Variants in PDE10A observed in about 807,000 individuals in gnomAD.
The protein encoded by PDE10A is cAMP and cAMP-inhibited cGMP 3',5'-cyclic phosphodiesterase 10A.
PDE10A carries 39 observed loss-of-function variants against 97.7 expected under a neutral mutation model. The observed-to-expected ratio is 0.40, with a 90% CI of 0.31 to 0.52. The LOEUF (loss-of-function observed/expected upper bound fraction) is 0.52, where lower values mean the gene tolerates loss of function less well. PDE10A is among the 20% of genes least tolerant of loss of function. The pLI, the probability that PDE10A is intolerant of heterozygous loss-of-function variation, is 0.56. For synonymous variants in PDE10A, 371 were observed against 376.8 expected, an observed-to-expected ratio of 0.98 and a Z score of 0.18; for missense variants, 731 against 1,047.8, an observed-to-expected ratio of 0.70 and a Z score of 4.17.
chr6:165,973,305 G>A (rs1784747416), intron 1 of PDE10A, among the ~76,000 whole-genome samples: 1 of 152,018 alleles, frequency 6.6e-6, no homozygotes, highest in South Asian at 2.1e-4. Context: ...CGTAATCCCA[G>A]CTACTTGGGA....
intron 1 of PDE10A, among the ~76,000 whole-genome samples, chr6:165,847,463 A>G (rs1278257453): frequency 6.6e-6 from 1 of 152,230 alleles, no homozygotes; most frequent in African/African-American, 2.4e-5. Flanking sequence ...AGTGGGCAAA[A>G]CTCACTGCCT....
intron 1 of PDE10A, among the ~76,000 whole-genome samples, chr6:165,794,261 A>T (rs62427295): frequency 0.14 from 20,660 of 150,468 alleles, 1,633 homozygotes; most frequent in African/African-American, 0.23. Flanking sequence ...TCACACTCAC[A>T]TACACACTCA....
At chr6:165,942,217 A>G (rs1783545861) in intron 1 of PDE10A, among the ~76,000 whole-genome samples, 7 of 152,154 alleles carry the variant, frequency 4.6e-5, no homozygotes, top group Admixed American at 3.9e-4. Context: ...GCTGTAGTAT[A>G]TCATATGTGT....
intron 17 of PDE10A, among the ~76,000 whole-genome samples, chr6:165,383,312 T>C (rs146956887): frequency 6.6e-5 from 10 of 152,320 alleles, no homozygotes; most frequent in African/African-American, 2.4e-4. Flanking sequence ...TCATATCTTA[T>C]GAGTAAACAG....
chr6:165,937,245 T>C (rs536912647), intron 1 of PDE10A, among the ~76,000 whole-genome samples: 7 of 152,346 alleles, frequency 4.6e-5, no homozygotes, highest in Non-Finnish European at 1.0e-4. Flanking sequence ...GAAGGGTTCA[T>C]GTGGCACCTA....
At chr6:165,351,994 T>A (rs562214427) in intron 18 of PDE10A, among the ~76,000 whole-genome samples, 1 of 152,124 alleles carries the variant, frequency 6.6e-6, no homozygotes, top group East Asian at 1.9e-4. Flanking sequence ...GCTGGAATTA[T>A]AGGTGCCTGC....
intron 15 of PDE10A, 109 bp from the exon 16 acceptor site, chr6:165,392,905 C>A: frequency 1.1e-6 from 1 of 942,294 alleles, no homozygotes; most frequent in Non-Finnish European, 1.6e-6. Flanking sequence ...ACATTTGCAA[C>A]TCTAAAGATT....
At chr6:165,557,395 C>T (rs866513526) in intron 1 of PDE10A, among the ~76,000 whole-genome samples, 1 of 152,174 alleles carries the variant, frequency 6.6e-6, no homozygotes, top group African/African-American at 2.4e-5. Flanking sequence ...AGAATAACAA[C>T]CATAATTTCT....
chr6:165,712,936 G>A (rs1398399517), intron 1 of PDE10A, among the ~76,000 whole-genome samples: 4 of 152,086 alleles, frequency 2.6e-5, no homozygotes, highest in African/African-American at 7.2e-5. Context: ...CACCGCACCC[G>A]GCCCGTTTTA....
chr6:165,900,322 A>G, intron 1 of PDE10A, among the ~76,000 whole-genome samples: 1 of 152,128 alleles, frequency 6.6e-6, no homozygotes, highest in Non-Finnish European at 1.5e-5. Flanking sequence ...AAATACAAAA[A>G]TTAGCTGGGC....
intron 1 of PDE10A, among the ~76,000 whole-genome samples, chr6:165,588,369 C>T (rs1300419563): frequency 7.0e-6 from 1 of 141,898 alleles, no homozygotes; most frequent in Non-Finnish European, 1.5e-5. Context: ...CGGCTCACTG[C>T]AACCTCCACC....
chr6:165,957,454 C>T (rs1191652334), intron 1 of PDE10A, among the ~76,000 whole-genome samples: 2 of 152,118 alleles, frequency 1.3e-5, no homozygotes, highest in Admixed American at 1.3e-4. Flanking sequence ...GCACTCCAGC[C>T]TGGGCAACAG....
At chr6:165,390,163 A>G (rs760952212) in intron 16 of PDE10A, among the ~76,000 whole-genome samples, 1 of 152,164 alleles carries the variant, frequency 6.6e-6, no homozygotes. Flanking sequence ...CAACAAAACA[A>G]AAACAAACAA....
intron 1 of PDE10A, among the ~76,000 whole-genome samples, chr6:165,913,912 C>A (rs1188696852): frequency 2.0e-5 from 3 of 152,248 alleles, no homozygotes; most frequent in Admixed American, 1.3e-4. Context: ...ATCTTTTTCT[C>A]CTAACAACTC....
intron 2 of PDE10A, among the ~76,000 whole-genome samples, chr6:165,542,609 GTTCT>G (rs1783506706): frequency 1.0e-5 from 1 of 95,916 alleles, no homozygotes; most frequent in Admixed American, 1.1e-4. Context: ...AGATGTCCTT[GTTCT>G]TTTTTTTTTT....
intron 1 of PDE10A, among the ~76,000 whole-genome samples, chr6:165,583,274 A>G (rs531775126): frequency 1.3e-5 from 2 of 152,330 alleles, no homozygotes; most frequent in South Asian, 4.1e-4. Flanking sequence ...ACAAATAACA[A>G]ATTAGTGTGC....
chr6:165,732,841 C>T (rs1792474307), intron 1 of PDE10A, among the ~76,000 whole-genome samples: 1 of 152,216 alleles, frequency 6.6e-6, no homozygotes, highest in Non-Finnish European at 1.5e-5. Flanking sequence ...CTTCTCAGCC[C>T]CATCCTGGTG....
intron 18 of PDE10A, among the ~76,000 whole-genome samples, chr6:165,349,350 TGGAATAAA>T (rs1014203843): frequency 6.6e-6 from 1 of 152,082 alleles, no homozygotes; most frequent in Admixed American, 6.5e-5. Flanking sequence ...TGTTGGGAAC[TGGAATAAA>T]GGTCACTCTT....
At chr6:165,363,420 C>T (rs1783551308) in intron 18 of PDE10A, among the ~76,000 whole-genome samples, 1 of 151,948 alleles carries the variant, frequency 6.6e-6, no homozygotes, top group Non-Finnish European at 1.5e-5. Flanking sequence ...GAGGCTGAGG[C>T]AGGAGAATTG....
Sources: gnomAD v4.1 joint callset for allele counts (sites outside exome capture counted in the v4.1 genomes callset) on GRCh38, gnomAD v4.1.1 for gene constraint, MANE v1.5 for transcripts, NCBI Gene and HGNC (gene_info 2026-07-23, HGNC 2026-07-21) for gene names.